The following TMEM30A variants were observed in gnomAD, a reference collection of about 807,000 sequenced individuals.
TMEM30A encodes cell cycle control protein 50A.
Under a neutral mutation model 38.2 loss-of-function variants are expected in TMEM30A, and 24 were observed. The observed-to-expected ratio is 0.63, with a 90% CI of 0.46 to 0.88. The LOEUF (loss-of-function observed/expected upper bound fraction) is 0.88, where lower values mean the gene tolerates loss of function less well. Among genes scored for constraint, TMEM30A ranks in the 40% least tolerant of loss-of-function variants. The pLI is 0.00. For synonymous variants in TMEM30A, 145 were observed against 161.6 expected (o/e 0.90, Z 0.78); for missense variants, 370 against 458.6 (o/e 0.81, Z 1.77).
chr6:75,277,235 G>A (rs1326139692), intron 1 of TMEM30A, among the ~76,000 whole-genome samples: 1 of 144,822 alleles, frequency 6.9e-6, no homozygotes, highest in Non-Finnish European at 1.5e-5. Context: ...CAAGAGGTCA[G>A]ATGGCTAAAG....
intron 1 of TMEM30A, among the ~76,000 whole-genome samples, chr6:75,282,584 A>G (rs1478107712): frequency 2.6e-5 from 4 of 152,186 alleles, no homozygotes; most frequent in Non-Finnish European, 5.9e-5. Context: ...CTAACATTGC[A>G]GTAAAAGGAT....
chr6:75,280,839 A>C (rs1175512302), intron 1 of TMEM30A, among the ~76,000 whole-genome samples: 2 of 152,148 alleles, frequency 1.3e-5, no homozygotes, highest in Non-Finnish European at 2.9e-5. Context: ...TTCTTCCCTG[A>C]CTCTTAGCTA....
chr6:75,283,307 A>ATG (rs10545744), intron 1 of TMEM30A, among the ~76,000 whole-genome samples: 2,680 of 148,520 alleles, frequency 0.018, 62 homozygotes, highest in African/African-American at 0.059. Flanking sequence ...ATTTATTAAA[A>ATG]TGTGTGTGTG....
chr6:75,259,257 C>A, intron 5 of TMEM30A, 90 bp downstream of exon 5: 1 of 1,414,046 alleles, frequency 7.1e-7, no homozygotes, highest in Admixed American at 2.3e-5. Flanking sequence ...TTTTTCAAAG[C>A]ATAACTTTAA....
intron 1 of TMEM30A, among the ~76,000 whole-genome samples, chr6:75,280,460 T>C (rs1772338000): frequency 6.6e-6 from 1 of 152,000 alleles, no homozygotes; most frequent in African/African-American, 2.4e-5. Context: ...AAATTCAAAA[T>C]GCAACAATAA....
chr6:75,265,423 T>G, intron 2 of TMEM30A, 85 bp from the exon 3 acceptor site: 1 of 724,860 alleles, frequency 1.4e-6, no homozygotes, highest in Non-Finnish European at 2.1e-6. Context: ...GCTACGTAAT[T>G]TGGACTTTTA....
Position 75,255,976 on chromosome 6 carries a change from T to C in TMEM30A, c.*126A>G. On this transcript the variant is annotated 3_prime_UTR_variant, in exon 7 of 7. Coordinates refer to ENST00000230461, the MANE Select transcript of TMEM30A (RefSeq NM_018247.4). ...GGAAGAAGCAAACAACAAAGACTGC[T>C]TTTTTTTAGAAAAGTTATGTGCCAA... 1 of 640,196 alleles carries C rather than the reference T, an allele frequency of 1.6e-6. No individual in the cohort carries two copies. Among genetic ancestry groups the C allele is most frequent in the Non-Finnish European group, 2.6e-6 (1 of 390,450 alleles). 39.7% of individuals were successfully genotyped at this position (640,196 alleles called of 1,614,324 possible). A position where few individuals can be genotyped will look rare whatever the true frequency, so the allele number is the denominator to read the frequency against.
intron 1 of TMEM30A, among the ~76,000 whole-genome samples, chr6:75,271,009 C>T (rs931322340): frequency 6.6e-6 from 1 of 152,226 alleles, no homozygotes; most frequent in Non-Finnish European, 1.5e-5. Context: ...TTTTCATGCA[C>T]AATATTCCAC....
Position 75,256,911 on chromosome 6 carries a change from T to C in TMEM30A, c.893-616A>G, listed in dbSNP as rs202244814. 3.8e-5 allele frequency: 13 copies of C among 340,414 alleles called. No individual in the cohort carries two copies. The East Asian group carries it at 1.2e-3, about 32-fold the overall frequency. 21.1% of individuals were successfully genotyped at this position (340,414 alleles called of 1,614,324 possible). A position where few individuals can be genotyped will look rare whatever the true frequency, so the allele number is the denominator to read the frequency against. On this transcript the variant is annotated intron_variant, in intron 6 of 6. Coordinates refer to ENST00000230461, the MANE Select transcript of TMEM30A (RefSeq NM_018247.4). ...GGAAACAGGGCACCAGTGTACTAGA[T>C]GAATTATCTACATGGACCAGTTGTA...
rs1771834003 is a variant in TMEM30A at position 75,254,343 on chromosome 6, T to TGC, written c.*1757_*1758dup. 2.0e-5 allele frequency: 3 copies of TGC among 152,048 alleles called. No homozygotes were observed. Among genetic ancestry groups the TGC allele is most frequent in the Admixed American group, 2.0e-4 (3 of 15,250 alleles). 9.4% of individuals were successfully genotyped at this position (152,048 alleles called of 1,614,324 possible). On this transcript the variant is annotated 3_prime_UTR_variant, in exon 7 of 7. Transcript: ENST00000230461. ...CAACAATGTATCCCCGAAAATAAAC[T>TGC]GCCAAGTGCAAGAGGGACAATCTTC... is the stretch of plus-strand genomic sequence containing the variant.
chr6:75,265,285 A>C lies in TMEM30A; in HGVS notation c.399T>G (p.Arg133=), dbSNP rs772792102. The change falls in exon 3 of 7, where the codon CGT becomes CGG. Residue 133 remains arginine (R), a synonymous_variant. Transcript: ENST00000230461. ...GLSNFYQNHR[R]YVKSRDDSQL... ...GACTATCATCTCGAGATTTCACGTA[A>C]CGACGATGGTTTTGATAGAAATTAG... 5 of 1,612,316 alleles carry C rather than the reference A, an allele frequency of 3.1e-6. No homozygotes were observed.
At position 75,267,638 on chromosome 6, in the gene TMEM30A, G is replaced by C; in HGVS notation, c.345+3C>G. On this transcript the variant is annotated splice_donor_region_variant and intron_variant, in intron 2 of 6. Coordinates refer to ENST00000230461, the MANE Select transcript of TMEM30A (RefSeq NM_018247.4). ...TTCTAGCACATTACTTGGAAACACA[G>C]ACCTCAAATGACTTTTCCAGTGTGA... 6.3e-7 allele frequency: 1 copy of C among 1,597,990 alleles called. No individual in the cohort carries two copies. Among genetic ancestry groups the C allele is most frequent in the Non-Finnish European group, 8.6e-7 (1 of 1,168,700 alleles).
rs763103384 is a variant in TMEM30A at position 75,284,415 on chromosome 6, A to T, written c.224T>A (p.Ile75Asn). Residue 75 changes from isoleucine (I) to asparagine (N), a missense_variant, in exon 1 of 7, where the codon ATC becomes AAC. By Grantham distance (149) the Ile-to-Asn change is moderately radical (BLOSUM62 -3). Transcript: ENST00000230461. ...CCCTCCCCTCACCTCGATCTCGCGG[A>T]TGTTGTTGGAGGTGACAAAAATGCC... is the stretch of plus-strand genomic sequence containing the variant. ...GIGIFVTSNNIREIEIDYTGT... is the reference protein window; with the variant it reads ...GIGIFVTSNNNREIEIDYTGT... 1 of 1,614,022 alleles carries T rather than the reference A, an allele frequency of 6.2e-7. No individual in the cohort carries two copies. The highest frequency in any genetic ancestry group is 8.5e-7 in the Non-Finnish European group (1 of 1,179,958).
intron 1 of TMEM30A, among the ~76,000 whole-genome samples, chr6:75,278,549 T>G (rs1038380689): frequency 6.6e-6 from 1 of 152,216 alleles, no homozygotes; most frequent in African/African-American, 2.4e-5. Flanking sequence ...CATGCCGAAC[T>G]GTAAGCATGA....
intron 6 of TMEM30A, among the ~76,000 whole-genome samples, chr6:75,258,037 G>C (rs537769604): frequency 2.2e-4 from 33 of 152,302 alleles, no homozygotes; most frequent in African/African-American, 7.7e-4. Context: ...GAGTGAACTA[G>C]CTAAGACGCA....
In TMEM30A at chr6:75,284,587, C is replaced by A; in HGVS notation, c.52G>T (p.Ala18Ser). 1.2e-6 allele frequency: 2 copies of A among 1,613,676 alleles called. No homozygotes were observed. Among genetic ancestry groups the A allele is most frequent in the Non-Finnish European group, 8.5e-7 (1 of 1,179,906 alleles). The stretch of plus-strand genomic sequence containing the variant: ...CGAGTCTTCGCGGTGCCCCCCGGAG[C>A]ACACGGGGGCCCACCGTCCACTTCA... ...KDEVDGGPPC[A>S]PGGTAKTRRP... The change falls in exon 1 of 7, where the codon GCT becomes TCT. Residue 18 changes from alanine (A) to serine (S), a missense_variant. Ala to Ser is a moderately conservative substitution (Grantham distance 99). Coordinates refer to ENST00000230461, the MANE Select transcript of TMEM30A (RefSeq NM_018247.4).
chr6:75,273,661 T>C lies in TMEM30A; in HGVS notation c.238-5913A>G, dbSNP rs546165329. On this transcript the variant is annotated intron_variant, in intron 1 of 6. Transcript: ENST00000230461. ...AGTTTTGATATTTGTCTCTCTTTGC[T>C]GCAGCATTTGCCAAATAACCTGTTT... Among the ~76,000 whole-genome samples, 5 of 152,324 alleles carry C rather than the reference T, an allele frequency of 3.3e-5. No individual in the cohort carries two copies. In the East Asian group the frequency reaches 9.6e-4, roughly 29 times the overall value.
rs561277464 is a variant in TMEM30A, at chr6:75,259,718, G to C, written c.542-228C>G. On this transcript the variant is annotated intron_variant, in intron 4 of 6. Transcript: ENST00000230461. ...CAGAGTTCTAATTCAGTTACCCATA[G>C]GCTAGCTGACATGCAGTAAGATCAA... is the stretch of plus-strand genomic sequence containing the variant. Among the ~76,000 whole-genome samples, 11 of 152,288 alleles carry C rather than the reference G, an allele frequency of 7.2e-5. No homozygotes were observed. The South Asian group carries it at 2.1e-3, about 29-fold the overall frequency.
rs1408588057 is a variant in TMEM30A, at chr6:75,253,574, A to G, written c.*2528T>C. On this transcript the variant is annotated 3_prime_UTR_variant, in exon 7 of 7. Coordinates refer to ENST00000230461, the MANE Select transcript of TMEM30A (RefSeq NM_018247.4). ...TGCTAAATGTAAGCAACAACACTGG[A>G]GCATTGTTATTTTATCAAGACACCT... 1 of 152,626 alleles carries G rather than the reference A, an allele frequency of 6.6e-6. No homozygotes were observed. Among genetic ancestry groups the G allele is most frequent in the Admixed American group, 6.6e-5 (1 of 15,264 alleles). 9.5% of individuals were successfully genotyped at this position (152,626 alleles called of 1,614,324 possible). A position where few individuals can be genotyped will look rare whatever the true frequency, so the allele number is the denominator to read the frequency against.
Sources: gnomAD v4.1 joint callset for allele counts (sites outside exome capture counted in the v4.1 genomes callset) on GRCh38, gnomAD v4.1.1 for gene constraint, MANE v1.5 for transcripts, NCBI Gene and HGNC (gene_info 2026-07-23, HGNC 2026-07-21) for gene names.